The following CAMTA1 variants were observed in gnomAD, a reference collection of about 807,000 sequenced individuals.
CAMTA1 encodes calmodulin binding transcription activator 1, also known as calmodulin-binding transcription activator 1.
A neutral mutation model predicts 170.9 loss-of-function variants in CAMTA1; 27 were observed. That is an observed-to-expected ratio of 0.16 (90% CI 0.12 to 0.22). CAMTA1 has a LOEUF of 0.22. Among genes scored for constraint, CAMTA1 ranks in the 10% least tolerant of loss-of-function variants. The pLI is 1.00. For synonymous variants in CAMTA1, 833 were observed against 891.5 expected (o/e 0.93, Z 1.17); for missense variants, 1,619 against 2,217.2 (o/e 0.73, Z 5.42).
At chr1:7,040,339 C>T (rs1465381467) in intron 3 of CAMTA1, among the ~76,000 whole-genome samples, 1 of 152,076 alleles carries the variant, frequency 6.6e-6, no homozygotes, top group Non-Finnish European at 1.5e-5. Flanking sequence ...ACACGGCATG[C>T]GTGTGATCCG....
rs776740227 is a variant in CAMTA1, at chr1:7,463,576, TAGAG to T, written c.439-4252_439-4249del. ...AAAGAAGATGAGACAGATACAGAGA[TAGAG>T]AAAGATAGAGACGGAAGAAGAGAGA... On this transcript the variant is annotated intron_variant, in intron 5 of 22. Transcript: ENST00000303635. The surrounding 1 kb of genome is among the most constrained non-coding windows in gnomAD (Gnocchi z 4.7). Among the ~76,000 whole-genome samples, 1 of 148,626 alleles carries T rather than the reference TAGAG, an allele frequency of 6.7e-6. No homozygotes were observed. Among genetic ancestry groups the T allele is most frequent in the East Asian group, 2.0e-4 (1 of 5,016 alleles).
At chr1:7,042,348 C>T (rs1704593733) in intron 3 of CAMTA1, among the ~76,000 whole-genome samples, 1 of 152,216 alleles carries the variant, frequency 6.6e-6, no homozygotes, top group African/African-American at 2.4e-5. Flanking sequence ...GCTGTTTCTT[C>T]CTCTTGTTCC....
chr1:7,356,677 G>A (rs1256972500), intron 5 of CAMTA1, among the ~76,000 whole-genome samples: 2 of 152,004 alleles, frequency 1.3e-5, no homozygotes, highest in African/African-American at 2.4e-5. Flanking sequence ...GGCTCTGCAG[G>A]TACCCAGCCT....
intron 7 of CAMTA1, among the ~76,000 whole-genome samples, chr1:7,654,459 C>A (rs1458871029): frequency 6.6e-6 from 1 of 151,760 alleles, no homozygotes; most frequent in African/African-American, 2.4e-5. Context: ...TGTCAGAACC[C>A]CTTGAACTGT....
At chr1:7,480,074 T>C (rs1036036814) in intron 6 of CAMTA1, among the ~76,000 whole-genome samples, 15 of 151,712 alleles carry the variant, frequency 9.9e-5, no homozygotes, top group African/African-American at 3.6e-4. Context: ...TTTGTGTGAG[T>C]GCATGTGTCC....
In CAMTA1 at chr1:7,109,895, C is replaced by T. The variant is rs537172464; in HGVS notation, c.302+18524C>T. On this transcript the variant is annotated intron_variant, in intron 4 of 22. Coordinates refer to ENST00000303635, the MANE Select transcript of CAMTA1 (RefSeq NM_015215.4). ...GGAGCACTCGGGGTCTGAAGCCCATCGTGGGATTAGCTTGACCTGATGGGG... is the reference window on the plus strand; with the variant it reads ...GGAGCACTCGGGGTCTGAAGCCCATTGTGGGATTAGCTTGACCTGATGGGG... Among the ~76,000 whole-genome samples, 11 of 152,278 alleles carry T rather than the reference C, an allele frequency of 7.2e-5. No homozygotes were observed. The South Asian group carries it at 1.4e-3, about 20-fold the overall frequency.
At chr1:7,024,027 T>TG (rs1701714096) in intron 3 of CAMTA1, among the ~76,000 whole-genome samples, 1 of 66,334 alleles carries the variant, frequency 1.5e-5, no homozygotes, top group Non-Finnish European at 2.8e-5. Context: ...AGACTCTGTC[T>TG]CAAAAAAAAA....
chr1:7,467,197 G>A (rs1013421410), intron 5 of CAMTA1, among the ~76,000 whole-genome samples: 10 of 152,150 alleles, frequency 6.6e-5, no homozygotes, highest in African/African-American at 2.4e-4. Flanking sequence ...GGCTCTGGCT[G>A]TTTTCCAAAA....
At chr1:7,462,725 C>T (rs768573907) in intron 5 of CAMTA1, among the ~76,000 whole-genome samples, 6 of 152,178 alleles carry the variant, frequency 3.9e-5, no homozygotes, top group African/African-American at 1.2e-4. Flanking sequence ...TTCCTCCTGC[C>T]GCTCCTCCCC....
intron 4 of CAMTA1, among the ~76,000 whole-genome samples, chr1:7,167,131 T>A (rs546309270): frequency 3.1e-4 from 47 of 152,338 alleles, no homozygotes; most frequent in African/African-American, 9.4e-4. Flanking sequence ...AATTTAATTT[T>A]ATTTTTTATG....
chr1:6,945,677 C>A (rs932860774), intron 3 of CAMTA1, among the ~76,000 whole-genome samples: 5 of 152,138 alleles, frequency 3.3e-5, no homozygotes, highest in African/African-American at 1.2e-4. Flanking sequence ...ACTCCTGTCT[C>A]CCCGGGCCTA....
chr1:7,699,236 C>T (rs2096412416), intron 11 of CAMTA1, among the ~76,000 whole-genome samples: 1 of 152,114 alleles, frequency 6.6e-6, no homozygotes, highest in Non-Finnish European at 1.5e-5. Flanking sequence ...TTTCATCCCC[C>T]AAGAAACATC....
intron 5 of CAMTA1, among the ~76,000 whole-genome samples, chr1:7,465,254 G>A (rs893376645): frequency 6.6e-6 from 1 of 152,150 alleles, no homozygotes; most frequent in African/African-American, 2.4e-5. Flanking sequence ...TTCTGAGAAG[G>A]CAGATGGGTA....
intron 5 of CAMTA1, among the ~76,000 whole-genome samples, chr1:7,461,856 G>A (rs910331038): frequency 2.0e-5 from 3 of 152,228 alleles, no homozygotes; most frequent in Non-Finnish European, 2.9e-5. Context: ...CATCCCAAAC[G>A]AAGTACAATT....
At chr1:7,160,722 A>G (rs192583508) in intron 4 of CAMTA1, among the ~76,000 whole-genome samples, 58 of 152,324 alleles carry the variant, frequency 3.8e-4, no homozygotes, top group African/African-American at 1.3e-3. Flanking sequence ...TTCTCTGTCT[A>G]CAGCCCAGGT....
At chr1:7,155,724 G>A (rs1464850755) in intron 4 of CAMTA1, among the ~76,000 whole-genome samples, 4 of 151,998 alleles carry the variant, frequency 2.6e-5, no homozygotes, top group African/African-American at 9.7e-5. Context: ...AGCCACTGCA[G>A]CCAGTGAGCC....
intron 11 of CAMTA1, among the ~76,000 whole-genome samples, chr1:7,692,327 A>G (rs1369064667): frequency 2.0e-5 from 3 of 152,108 alleles, no homozygotes; most frequent in African/African-American, 7.2e-5. Flanking sequence ...AGAGAAAGGA[A>G]AAAGCACTTT....
At chr1:7,364,793 C>T (rs2150004481) in intron 5 of CAMTA1, among the ~76,000 whole-genome samples, 1 of 152,294 alleles carries the variant, frequency 6.6e-6, no homozygotes, top group Admixed American at 6.5e-5. Context: ...CCCATAAAAA[C>T]ACTCCACACA....
intron 10 of CAMTA1, chr1:7,671,940 T>C (rs2096063992): frequency 2.2e-6 from 1 of 453,636 alleles, no homozygotes; most frequent in Admixed American, 2.4e-5. Flanking sequence ...GGGATGGAGA[T>C]TGTGACGGAA....
Sources: allele counts gnomAD v4.1 joint callset (sites outside exome capture counted in the v4.1 genomes callset), GRCh38; gene constraint gnomAD v4.1.1; non-coding constraint Gnocchi (gnomAD v3.1); transcripts MANE v1.5; gene names NCBI Gene and HGNC (gene_info 2026-07-23, HGNC 2026-07-21).